The following IL1RAPL1 variants were observed in gnomAD, a reference collection of about 807,000 sequenced individuals.
The protein encoded by IL1RAPL1 is interleukin-1 receptor accessory protein-like 1.
In IL1RAPL1, 3 loss-of-function variants were observed where a neutral mutation model predicts 48.4. The ratio of observed to expected loss-of-function variants is 0.06; its 90% CI spans 0.03 to 0.16. The LOEUF (loss-of-function observed/expected upper bound fraction) is 0.16. IL1RAPL1 is among the 10% of genes least tolerant of loss of function. The probability of loss-of-function intolerance (pLI) is 1.00; values close to 1 mark genes in which losing one functional copy is unlikely to be tolerated. For missense variants in IL1RAPL1, 349 were observed against 530.6 expected, an observed-to-expected ratio of 0.66 and a Z score of 3.36; for synonymous variants, 185 against 187.7, an observed-to-expected ratio of 0.99 and a Z score of 0.12.
intron 2 of IL1RAPL1, among the ~76,000 whole-genome samples, chrX:29,087,625 C>A (rs1056990755): frequency 8.9e-6 from 1 of 112,359 alleles, no homozygotes; most frequent in African/African-American, 3.2e-5. Context: ...GCCAATACAT[C>A]TAGAGAAAAA....
At chrX:29,480,291 CATAT>C (rs61703733) in intron 5 of IL1RAPL1, among the ~76,000 whole-genome samples, 118 of 76,560 alleles carry the variant, frequency 1.5e-3, no homozygotes, top group African/African-American at 4.7e-3. Context: ...CACACATATA[CATAT>C]ATATATATAT....
intron 2 of IL1RAPL1, among the ~76,000 whole-genome samples, chrX:28,989,162 C>T (rs1925544314): frequency 8.9e-6 from 1 of 112,236 alleles, no homozygotes; most frequent in Non-Finnish European, 1.9e-5. Context: ...GAAAGAGAGG[C>T]ACTGGGATAG....
chrX:29,536,496 A>G (rs777308455), intron 5 of IL1RAPL1, among the ~76,000 whole-genome samples: 72 of 111,930 alleles, frequency 6.4e-4, no homozygotes, highest in Admixed American at 1.0e-3. Context: ...AAGTAAAATG[A>G]TGAAGAAAGA....
At chrX:28,605,830 G>A (rs1447201439) in intron 1 of IL1RAPL1, among the ~76,000 whole-genome samples, 2 of 111,001 alleles carry the variant, frequency 1.8e-5, no homozygotes, top group African/African-American at 6.6e-5. Flanking sequence ...GCTGTTCTTT[G>A]AAGGTGACAG....
At chrX:29,865,432 T>C (rs761539524) in intron 6 of IL1RAPL1, among the ~76,000 whole-genome samples, 49 of 111,386 alleles carry the variant, frequency 4.4e-4, no homozygotes, top group Non-Finnish European at 7.9e-4. Flanking sequence ...ACGTGAATGA[T>C]ACTGGAAAAT....
At chrX:29,259,945 C>T (rs1396560199) in intron 2 of IL1RAPL1, among the ~76,000 whole-genome samples, 1 of 111,767 alleles carries the variant, frequency 8.9e-6, no homozygotes, top group African/African-American at 3.2e-5. Context: ...TTTTTTAATT[C>T]TATGAGTATG....
intron 2 of IL1RAPL1, among the ~76,000 whole-genome samples, chrX:29,228,332 A>AATGTGTGTGTGT (rs777963523): frequency 0.21 from 16,354 of 79,214 alleles, 2,187 homozygotes; most frequent in Non-Finnish European, 0.3. Flanking sequence ...AGTTTTGCCT[A>AATGTGTGTGTGT]GTGTGTGTGT....
intron 5 of IL1RAPL1, among the ~76,000 whole-genome samples, chrX:29,540,059 G>C (rs2147782609): frequency 9.0e-6 from 1 of 111,569 alleles, no homozygotes; most frequent in South Asian, 3.8e-4. Flanking sequence ...AAGGCTCCTG[G>C]AACTGATTGA....
Position 28,906,859 on chromosome X carries a change from G to A in IL1RAPL1, c.82+117434G>A, listed in dbSNP as rs187946430. Among the ~76,000 whole-genome samples the A allele has an allele frequency of 8.0e-5, 9 of 111,943 alleles. No individual in the cohort carries two copies. In the East Asian group the frequency reaches 2.5e-3, roughly 32 times the overall value. On this transcript the variant is annotated intron_variant, in intron 2 of 10. Transcript: ENST00000378993. ...AGTCTAATATATCCAGCCAAAGTTA[G>A]ATTTGCATTTATTTTGCATGATAAT...
chrX:29,650,120 A>T (rs919278288), intron 5 of IL1RAPL1, among the ~76,000 whole-genome samples: 3 of 112,067 alleles, frequency 2.7e-5, no homozygotes, highest in African/African-American at 9.7e-5. Flanking sequence ...TGATGAAATA[A>T]ACTGAAGAAG....
At chrX:28,794,633 C>G (rs1936589377) in intron 2 of IL1RAPL1, among the ~76,000 whole-genome samples, 1 of 111,470 alleles carries the variant, frequency 9.0e-6, no homozygotes, top group South Asian at 3.7e-4. Context: ...ATTCTAGAAC[C>G]TGACAGGGGA....
At chrX:29,304,649 T>C (rs1269790352) in intron 3 of IL1RAPL1, among the ~76,000 whole-genome samples, 1 of 112,426 alleles carries the variant, frequency 8.9e-6, no homozygotes, top group Non-Finnish European at 1.9e-5. Context: ...ATGTTGAAGT[T>C]GGATGATGGT....
intron 5 of IL1RAPL1, among the ~76,000 whole-genome samples, chrX:29,627,629 C>T (rs1007409298): frequency 1.8e-5 from 2 of 111,696 alleles, no homozygotes; most frequent in African/African-American, 3.3e-5. Flanking sequence ...TGAAGTCCTA[C>T]TTAGTGTGAT....
chrX:28,796,956 G>A (rs1158595366), intron 2 of IL1RAPL1, among the ~76,000 whole-genome samples: 1 of 112,394 alleles, frequency 8.9e-6, no homozygotes, highest in Non-Finnish European at 1.9e-5. Flanking sequence ...CTGAAATCTA[G>A]GTGGAGGTCA....
intron 1 of IL1RAPL1, chrX:28,659,595 TGGCGCGGCGGC>T (rs944480817): frequency 3.9e-5 from 16 of 408,709 alleles, no homozygotes; most frequent in Non-Finnish European, 5.2e-5. Flanking sequence ...ACGGTGGCGG[TGGCGCGGCGGC>T]GGCTGCGAAC....
intron 6 of IL1RAPL1, among the ~76,000 whole-genome samples, chrX:29,844,271 T>G (rs1304639025): frequency 8.9e-6 from 1 of 111,872 alleles, no homozygotes; most frequent in Non-Finnish European, 1.9e-5. Context: ...GGAACACATA[T>G]AAATTAATAT....
At chrX:29,674,570 T>A (rs183782045) in intron 6 of IL1RAPL1, among the ~76,000 whole-genome samples, 75 of 112,307 alleles carry the variant, frequency 6.7e-4, no homozygotes, top group Non-Finnish European at 3.9e-4. Context: ...AGCACTTTTT[T>A]AAAAAAACTT....
chrX:29,198,586 G>T (rs765843859), intron 2 of IL1RAPL1, among the ~76,000 whole-genome samples: 3 of 111,448 alleles, frequency 2.7e-5, no homozygotes, highest in Non-Finnish European at 3.8e-5. Flanking sequence ...AAGCCACTGC[G>T]CCCAGCCAGA....
At chrX:29,932,938 T>C (rs1005470899) in intron 8 of IL1RAPL1, among the ~76,000 whole-genome samples, 1 of 111,936 alleles carries the variant, frequency 8.9e-6, no homozygotes, top group Non-Finnish European at 1.9e-5. Flanking sequence ...AGAAAATGTA[T>C]GTATTAGTAA....
Sources: allele counts gnomAD v4.1 joint callset (sites outside exome capture counted in the v4.1 genomes callset), GRCh38; gene constraint gnomAD v4.1.1; transcripts MANE v1.5; gene names NCBI Gene and HGNC (gene_info 2026-07-23, HGNC 2026-07-21).